Variants in SHISA6 observed in about 807,000 individuals in gnomAD.
SHISA6 encodes shisa family member 6, also known as protein shisa-6.
In SHISA6, 22 loss-of-function variants were observed where a neutral mutation model predicts 47.9. The ratio of observed to expected loss-of-function variants is 0.46; its 90% CI spans 0.33 to 0.66. The LOEUF is 0.66. Among genes scored for constraint, SHISA6 ranks in the 30% least tolerant of loss-of-function variants. SHISA6 has a pLI of 0.02. For synonymous variants in SHISA6, 388 were observed against 337.8 expected (o/e 1.15, Z -1.63); for missense variants, 680 against 764.6 (o/e 0.89, Z 1.30).
intron 2 of SHISA6, among the ~76,000 whole-genome samples, chr17:11,298,467 C>T (rs1909822458): frequency 1.3e-5 from 2 of 152,122 alleles, no homozygotes; most frequent in South Asian, 4.1e-4. Context: ...GTGAGTATAC[C>T]AAAGAGAAAC....
chr17:11,307,984 G>A (rs148426840), intron 2 of SHISA6, among the ~76,000 whole-genome samples: 118 of 152,226 alleles, frequency 7.8e-4, no homozygotes, highest in African/African-American at 2.7e-3. Flanking sequence ...AGTTTCTTCC[G>A]GTGCCTCCAA....
chr17:11,337,108 G>A (rs1178574970), intron 2 of SHISA6, among the ~76,000 whole-genome samples: 1 of 152,172 alleles, frequency 6.6e-6, no homozygotes, highest in Non-Finnish European at 1.5e-5. Context: ...ACCACAGGCA[G>A]TGTAGAATGT....
At chr17:11,464,238 C>G (rs1242311653) in intron 3 of SHISA6, among the ~76,000 whole-genome samples, 2 of 152,132 alleles carry the variant, frequency 1.3e-5, no homozygotes, top group Non-Finnish European at 2.9e-5. Flanking sequence ...TTTGCCTAAA[C>G]TTACAATACA....
At chr17:11,437,876 C>T (rs1024580467) in intron 3 of SHISA6, among the ~76,000 whole-genome samples, 1 of 152,222 alleles carries the variant, frequency 6.6e-6, no homozygotes, top group Non-Finnish European at 1.5e-5. Context: ...AGAGTCTCTT[C>T]GACATTGGGG....
At chr17:11,397,674 C>CTT (rs371710999) in intron 3 of SHISA6, among the ~76,000 whole-genome samples, 223 of 144,228 alleles carry the variant, frequency 1.5e-3, no homozygotes, top group African/African-American at 5.2e-3. Flanking sequence ...TTCTATGTTA[C>CTT]TTTTTTTTTT....
chr17:11,493,916 T>G (rs1158382455), intron 3 of SHISA6, among the ~76,000 whole-genome samples: 2 of 150,848 alleles, frequency 1.3e-5, no homozygotes, highest in African/African-American at 4.9e-5. Context: ...TCCCTTCTAT[T>G]TTTTTTTTGA....
intron 2 of SHISA6, among the ~76,000 whole-genome samples, chr17:11,313,553 T>TG (rs1315728963): frequency 2.6e-5 from 4 of 152,180 alleles, no homozygotes; most frequent in African/African-American, 9.6e-5. Context: ...ACTATGAAGG[T>TG]GGGAGCTATA....
At chr17:11,338,060 G>C (rs1911384191) in intron 2 of SHISA6, among the ~76,000 whole-genome samples, 1 of 152,096 alleles carries the variant, frequency 6.6e-6, no homozygotes, top group African/African-American at 2.4e-5. Flanking sequence ...CTGGAACCAG[G>C]GTGTAGGAGG....
chr17:11,293,160 C>CT (rs1376441673), intron 2 of SHISA6, among the ~76,000 whole-genome samples: 1 of 152,020 alleles, frequency 6.6e-6, no homozygotes, highest in African/African-American at 2.4e-5. Flanking sequence ...TTTCCAGTTG[C>CT]TGTATGGATT....
chr17:11,397,449 G>GT (rs1913610272), intron 3 of SHISA6, among the ~76,000 whole-genome samples: 2 of 120,316 alleles, frequency 1.7e-5, no homozygotes, highest in African/African-American at 3.6e-5. Flanking sequence ...TTTTAATTTT[G>GT]TTTTTTCTCT....
chr17:11,543,155 G>A lies in SHISA6; in HGVS notation c.896-8741G>A, dbSNP rs139379562. 3.9e-3 allele frequency among the ~76,000 whole-genome samples: 600 copies of A among 152,214 alleles called. 2 individuals carry two copies. Among genetic ancestry groups the A allele is most frequent in the African/African-American group, 0.014 (574 of 41,534 alleles). On this transcript the variant is annotated intron_variant, in intron 3 of 5. Coordinates refer to ENST00000441885, the MANE Select transcript of SHISA6 (RefSeq NM_207386.4). ...ATATGTGGCTAATGCAAGAGGCTCC[G>A]TAGACATATTTTTCTTGTGTCTTCT...
intron 3 of SHISA6, among the ~76,000 whole-genome samples, chr17:11,483,712 C>T (rs750868885): frequency 2.0e-5 from 3 of 152,210 alleles, no homozygotes; most frequent in Non-Finnish European, 4.4e-5. Context: ...AATATCAGCA[C>T]TTTGGGAGGC....
chr17:11,299,186 C>T (rs1909843489), intron 2 of SHISA6, among the ~76,000 whole-genome samples: 1 of 152,230 alleles, frequency 6.6e-6, no homozygotes, highest in African/African-American at 2.4e-5. Context: ...ACATTCTATT[C>T]TCTGTCTGGA....
chr17:11,555,628 C>A, intron 4 of SHISA6, 112 bp from the exon 5 acceptor site: 1 of 1,228,746 alleles, frequency 8.1e-7, no homozygotes, highest in Non-Finnish European at 1.1e-6. Context: ...TATGTCCAAG[C>A]ACAGAGGTCC....
intron 2 of SHISA6, among the ~76,000 whole-genome samples, chr17:11,309,237 T>G (rs1910236681): frequency 6.6e-6 from 1 of 152,234 alleles, no homozygotes; most frequent in African/African-American, 2.4e-5. Context: ...GTAGCTGGAA[T>G]TACAGGCTCA....
chr17:11,481,258 G>A (rs920864528), intron 3 of SHISA6, among the ~76,000 whole-genome samples: 6 of 151,318 alleles, frequency 4.0e-5, no homozygotes, highest in Admixed American at 6.6e-5. Flanking sequence ...CAGCCTGGAC[G>A]ACAGAGCAAG....
intron 3 of SHISA6, among the ~76,000 whole-genome samples, chr17:11,499,385 C>A (rs1322424580): frequency 6.6e-6 from 1 of 151,802 alleles, no homozygotes; most frequent in Non-Finnish European, 1.5e-5. Flanking sequence ...TATGAAGCAC[C>A]TCTTCATGGA....
chr17:11,333,558 A>G (rs1202101347), intron 2 of SHISA6, among the ~76,000 whole-genome samples: 1 of 152,048 alleles, frequency 6.6e-6, no homozygotes, highest in Non-Finnish European at 1.5e-5. Context: ...TCTGTCGCCC[A>G]GGCTGGAGTG....
chr17:11,551,443 A>G (rs2071931009), intron 3 of SHISA6, among the ~76,000 whole-genome samples: 1 of 152,164 alleles, frequency 6.6e-6, no homozygotes, highest in African/African-American at 2.4e-5. Context: ...GCTTAGGGAC[A>G]AATCAGAGTC....
Sources: gnomAD v4.1 joint callset for allele counts (sites outside exome capture counted in the v4.1 genomes callset) on GRCh38, gnomAD v4.1.1 for gene constraint, MANE v1.5 for transcripts, NCBI Gene and HGNC (gene_info 2026-07-23, HGNC 2026-07-21) for gene names.